CSMD1: variants seen among roughly 807,000 people sequenced by gnomAD.
CSMD1 encodes CUB and Sushi multiple domains 1, also known as CUB and sushi domain-containing protein 1.
A neutral mutation model predicts 417.5 loss-of-function variants in CSMD1; 213 were observed. The observed-to-expected ratio is 0.51, with a 90% CI of 0.46 to 0.57. The LOEUF (loss-of-function observed/expected upper bound fraction) is 0.57. Ranked by LOEUF, CSMD1 falls within the 20% of genes least tolerant of loss-of-function variation. CSMD1 has a pLI of 0.00. For synonymous variants in CSMD1, 2,862 were observed against 1,736.8 expected (o/e 1.65, Z -16.11); for missense variants, 6,923 against 4,529.7 (o/e 1.53, Z -15.17).
intron 3 of CSMD1, among the ~76,000 whole-genome samples, chr8:4,116,997 A>C (rs1278750003): frequency 6.6e-6 from 1 of 152,028 alleles, no homozygotes; most frequent in Non-Finnish European, 1.5e-5. Flanking sequence ...ATCTTCAGTA[A>C]GATGGCCTGA....
intron 5 of CSMD1, among the ~76,000 whole-genome samples, chr8:3,778,868 G>C (rs909738575): frequency 6.6e-6 from 1 of 152,138 alleles, no homozygotes; most frequent in Non-Finnish European, 1.5e-5. Context: ...AAAACATGCT[G>C]CTTGCAGGCA....
intron 5 of CSMD1, among the ~76,000 whole-genome samples, chr8:3,757,398 A>G (rs776563740): frequency 1.3e-5 from 2 of 152,218 alleles, no homozygotes; most frequent in African/African-American, 2.4e-5. Context: ...CACTTTATTT[A>G]CGGACACTGA....
At chr8:3,715,403 C>T (rs764063272) in intron 6 of CSMD1, among the ~76,000 whole-genome samples, 1 of 152,198 alleles carries the variant, frequency 6.6e-6, no homozygotes, top group Non-Finnish European at 1.5e-5. Flanking sequence ...TAAAGCTCAT[C>T]ACCTTGAAAA....
At chr8:4,943,068 T>A (rs932920493) in intron 1 of CSMD1, among the ~76,000 whole-genome samples, 5 of 152,276 alleles carry the variant, frequency 3.3e-5, no homozygotes, top group African/African-American at 4.8e-5. Context: ...TGAAAGTAAT[T>A]GTTCATAACA....
intron 2 of CSMD1, among the ~76,000 whole-genome samples, chr8:4,449,156 G>T (rs1167628859): frequency 6.6e-6 from 1 of 152,148 alleles, no homozygotes; most frequent in African/African-American, 2.4e-5. Context: ...CAAATATTTA[G>T]CAATATAGAT....
intron 6 of CSMD1, among the ~76,000 whole-genome samples, chr8:3,747,625 G>C (rs1476211735): frequency 3.3e-5 from 5 of 151,978 alleles, no homozygotes; most frequent in African/African-American, 1.2e-4. Context: ...ATTCTCAGTG[G>C]TTGACAATAG....
At chr8:3,205,709 A>G (rs1404466146) in intron 30 of CSMD1, 89 bp from the exon 31 acceptor site, 1 of 543,974 alleles carries the variant, frequency 1.8e-6, no homozygotes, top group Non-Finnish European at 3.2e-6. Context: ...CAAACACGTG[A>G]GCACGTTTAT....
intron 3 of CSMD1, among the ~76,000 whole-genome samples, chr8:4,256,358 A>G (rs1013734357): frequency 3.3e-5 from 5 of 152,190 alleles, no homozygotes; most frequent in African/African-American, 1.2e-4. Flanking sequence ...TTTTGGCCTC[A>G]AATGAATACA....
intron 7 of CSMD1, among the ~76,000 whole-genome samples, chr8:3,668,689 G>A (rs1056354092): frequency 6.6e-6 from 1 of 152,132 alleles, no homozygotes; most frequent in African/African-American, 2.4e-5. Context: ...TCAACCAGGA[G>A]TCGAAGTCTA....
intron 1 of CSMD1, among the ~76,000 whole-genome samples, chr8:4,712,869 A>T (rs1808398716): frequency 6.6e-6 from 1 of 152,244 alleles, no homozygotes; most frequent in African/African-American, 2.4e-5. Flanking sequence ...ATTTTAGTAG[A>T]CATCCATGCC....
intron 56 of CSMD1, 45 bp downstream of exon 56, chr8:2,974,406 T>G (rs1290147242): frequency 1.9e-5 from 27 of 1,437,186 alleles, no homozygotes; most frequent in Non-Finnish European, 2.5e-5. Context: ...TTTGAAAAGT[T>G]ATTTGAAATC....
intron 7 of CSMD1, among the ~76,000 whole-genome samples, chr8:3,641,694 G>C (rs1384115004): frequency 6.6e-6 from 1 of 152,178 alleles, no homozygotes; most frequent in Non-Finnish European, 1.5e-5. Context: ...AGGGGGCCAG[G>C]AGCTCAGAAC....
At chr8:3,630,111 T>C (rs1014197019) in intron 7 of CSMD1, among the ~76,000 whole-genome samples, 6 of 152,234 alleles carry the variant, frequency 3.9e-5, no homozygotes, top group Non-Finnish European at 5.9e-5. Flanking sequence ...AGAAAGTTAA[T>C]TGTAGCCAGT....
intron 10 of CSMD1, among the ~76,000 whole-genome samples, chr8:3,552,294 C>T (rs1054889164): frequency 1.3e-5 from 2 of 151,732 alleles, no homozygotes; most frequent in African/African-American, 4.8e-5. Flanking sequence ...TATGCATCAT[C>T]CACATGGCAT....
chr8:3,155,215 TA>T (rs939145958), intron 39 of CSMD1, among the ~76,000 whole-genome samples: 7 of 152,052 alleles, frequency 4.6e-5, no homozygotes, highest in Admixed American at 1.3e-4. Context: ...TTGTGAAGTT[TA>T]AAAAATTTCA....
Position 4,131,275 on chromosome 8 carries a change from C to G in CSMD1, c.416-99176G>C, listed in dbSNP as rs183857652. Among the ~76,000 whole-genome samples, 976 of 151,512 alleles carry G rather than the reference C, an allele frequency of 6.4e-3. 5 individuals carry two copies. Among genetic ancestry groups the G allele is most frequent in the Non-Finnish European group, 9.7e-3 (657 of 67,860 alleles). ...AAAGGTAGGAGATGAACTGTAGGAA[C>G]TGAAGAGGCTGAATCTACACAGAGC... On this transcript the variant is annotated intron_variant, in intron 3 of 69. Transcript: ENST00000635120.
chr8:3,106,913 C>G, intron 45 of CSMD1: 1 of 307,794 alleles, frequency 3.2e-6, no homozygotes, highest in Non-Finnish European at 5.9e-6. Context: ...TTCCCTTCCC[C>G]AGTGATTGCT....
At chr8:4,950,997 CA>C (rs113469274) in intron 1 of CSMD1, among the ~76,000 whole-genome samples, 2 of 136,638 alleles carry the variant, frequency 1.5e-5, no homozygotes, top group African/African-American at 2.7e-5. Context: ...AACAAACAAA[CA>C]AAAAAAATTA....
chr8:3,006,028 G>GCA lies in CSMD1; in HGVS notation c.8030-5898_8030-5897insTG, dbSNP rs1330670981. Among the ~76,000 whole-genome samples the GCA allele has an allele frequency of 1.1e-4, 17 of 152,158 alleles. No individual in the cohort carries two copies. The East Asian group carries it at 2.9e-3, about 26-fold the overall frequency. On this transcript the variant is annotated intron_variant, in intron 52 of 69. Coordinates refer to ENST00000635120, the MANE Select transcript of CSMD1 (RefSeq NM_033225.6). ...GATTGTATACCTAGAAAACCCCATT[G>GCA]TCTCAGCCCAAAATCTCCTTAAGCT...
Sources: allele counts gnomAD v4.1 joint callset (sites outside exome capture counted in the v4.1 genomes callset), GRCh38; gene constraint gnomAD v4.1.1; transcripts MANE v1.5; gene names NCBI Gene and HGNC (gene_info 2026-07-23, HGNC 2026-07-21).